SUMF1: variants seen among roughly 807,000 people sequenced by gnomAD.
SUMF1 encodes the protein sulfatase modifying factor 1.
A neutral mutation model predicts 47.6 loss-of-function variants in SUMF1; 48 were observed. The ratio of observed to expected loss-of-function variants is 1.01; its 90% CI spans 0.80 to 1.28. The LOEUF (loss-of-function observed/expected upper bound fraction) is 1.28. SUMF1 is among the 50% of genes most tolerant of loss of function. The probability of loss-of-function intolerance (pLI) is 0.00; values close to 1 mark genes in which losing one functional copy is unlikely to be tolerated. For synonymous variants in SUMF1, 230 were observed against 192.1 expected (o/e 1.20, Z -1.63); for missense variants, 571 against 485.4 (o/e 1.18, Z -1.66).
chr3:4,103,305 G>T (rs537866509), intron 8 of SUMF1, among the ~76,000 whole-genome samples: 1 of 152,092 alleles, frequency 6.6e-6, no homozygotes, highest in East Asian at 1.9e-4. Context: ...TGGGTAGATA[G>T]AAATATATTT....
intron 9 of SUMF1, among the ~76,000 whole-genome samples, chr3:4,062,274 G>T (rs531480590): frequency 6.6e-6 from 1 of 152,270 alleles, no homozygotes; most frequent in African/African-American, 2.4e-5. Context: ...CTAGCCATAT[G>T]ACTTTGGGAG....
intron 8 of SUMF1, among the ~76,000 whole-genome samples, chr3:4,093,812 T>A (rs1419361777): frequency 6.6e-6 from 1 of 152,136 alleles, no homozygotes; most frequent in East Asian, 1.9e-4. Context: ...TGTAAATTAT[T>A]CTCAGTTAAT....
chr3:4,077,231 T>C (rs994846169), intron 8 of SUMF1, among the ~76,000 whole-genome samples: 1 of 152,100 alleles, frequency 6.6e-6, no homozygotes, highest in Non-Finnish European at 1.5e-5. Context: ...GTTTAACCAT[T>C]GTGCAAGACA....
intron 9 of SUMF1, among the ~76,000 whole-genome samples, chr3:4,049,956 A>G (rs1389583887): frequency 6.6e-6 from 1 of 152,032 alleles, no homozygotes; most frequent in Non-Finnish European, 1.5e-5. Context: ...TTGGCCATCC[A>G]GTAGCCAATC....
intron 3 of SUMF1, among the ~76,000 whole-genome samples, chr3:4,435,224 G>C (rs1286082152): frequency 1.3e-5 from 2 of 152,156 alleles, no homozygotes; most frequent in Non-Finnish European, 2.9e-5. Context: ...ACCGGGCCCA[G>C]ACAAAGACTT....
intron 8 of SUMF1, among the ~76,000 whole-genome samples, chr3:4,203,543 C>T (rs117948033): frequency 4.1e-4 from 63 of 151,902 alleles, no homozygotes; most frequent in African/African-American, 1.3e-3. Context: ...TCCATTCAGC[C>T]CTGCAATGTC....
intron 8 of SUMF1, among the ~76,000 whole-genome samples, chr3:4,287,061 G>A (rs780469620): frequency 2.6e-5 from 4 of 152,168 alleles, no homozygotes; most frequent in Non-Finnish European, 4.4e-5. Context: ...TCTCACAAGT[G>A]TATGTGTTTT....
intron 8 of SUMF1, among the ~76,000 whole-genome samples, chr3:4,146,852 A>C (rs542864614): frequency 6.6e-6 from 1 of 151,988 alleles, no homozygotes; most frequent in South Asian, 2.1e-4. Flanking sequence ...CATGTCCCTA[A>C]AAAGGACATG....
chr3:4,083,317 C>G (rs1040177201), intron 8 of SUMF1, among the ~76,000 whole-genome samples: 5 of 152,088 alleles, frequency 3.3e-5, no homozygotes, highest in African/African-American at 1.2e-4. Context: ...TTCCAAGACA[C>G]ACGTTACTAA....
chr3:4,336,920 T>C (rs1038936857), intron 8 of SUMF1, among the ~76,000 whole-genome samples: 1 of 152,196 alleles, frequency 6.6e-6, no homozygotes, highest in Admixed American at 6.5e-5. Flanking sequence ...CTTTTCTTAG[T>C]CCTCTGGTCC....
intron 8 of SUMF1, among the ~76,000 whole-genome samples, chr3:4,263,791 CTTAAA>C (rs1396982432): frequency 1.3e-5 from 2 of 152,136 alleles, no homozygotes; most frequent in South Asian, 2.1e-4. Context: ...TCCATTCTGC[CTTAAA>C]TTATAGTAGT....
chr3:4,409,891 C>T (rs1261684055), intron 7 of SUMF1, among the ~76,000 whole-genome samples: 2 of 152,142 alleles, frequency 1.3e-5, no homozygotes, highest in South Asian at 2.1e-4. Flanking sequence ...GAAAAATGAG[C>T]CTCAGGCAGA....
chr3:4,219,396 A>T lies in SUMF1; in HGVS notation c.1015-150651T>A, dbSNP rs1485258. On this transcript the variant is annotated intron_variant and NMD_transcript_variant, in intron 8 of 12. Coordinates refer to the SUMF1 transcript ENST00000448413. ...AAAAAGTTATATAGCTCATAAGTGG[A>T]TGGAACCCACACTCATATCTTCTGA... is the stretch of plus-strand genomic sequence containing the variant. 6.0e-3 allele frequency among the ~76,000 whole-genome samples: 913 copies of T among 152,264 alleles called. 32 individuals are homozygous for T. Among genetic ancestry groups the T allele is most frequent in the Admixed American group, 0.048 (739 of 15,282 alleles).
intron 8 of SUMF1, among the ~76,000 whole-genome samples, chr3:4,279,476 G>A (rs1424193049): frequency 6.6e-6 from 1 of 152,104 alleles, no homozygotes; most frequent in Admixed American, 6.6e-5. Context: ...AGGTAGCTTA[G>A]TGTGTGCTGA....
chr3:4,312,527 A>C (rs927435867), intron 8 of SUMF1, among the ~76,000 whole-genome samples: 3 of 152,046 alleles, frequency 2.0e-5, no homozygotes, highest in Non-Finnish European at 4.4e-5. Flanking sequence ...CCTTATACAT[A>C]CCTAAAATAA....
intron 8 of SUMF1, among the ~76,000 whole-genome samples, chr3:4,170,375 G>C (rs1694805132): frequency 6.6e-6 from 1 of 152,118 alleles, no homozygotes; most frequent in Admixed American, 6.6e-5. Flanking sequence ...AAAATATCTG[G>C]GGGTAGGGCC....
intron 8 of SUMF1, among the ~76,000 whole-genome samples, chr3:4,369,523 C>G (rs1035197445): frequency 4.6e-5 from 7 of 152,284 alleles, no homozygotes; most frequent in South Asian, 2.1e-4. Context: ...GTAGCAAACT[C>G]CACACTGCAA....
At chr3:4,285,482 G>GA (rs1451571788) in intron 8 of SUMF1, among the ~76,000 whole-genome samples, 1 of 151,998 alleles carries the variant, frequency 6.6e-6, no homozygotes, top group Admixed American at 6.6e-5. Context: ...TTCTTATAAG[G>GA]AAAAAATGTA....
chr3:4,365,774 G>T (rs374619736), intron 8 of SUMF1, among the ~76,000 whole-genome samples: 1 of 150,184 alleles, frequency 6.7e-6, no homozygotes, highest in East Asian at 2.0e-4. Context: ...GTTAGCTGGT[G>T]ATTTTGCTCG....
Sources: allele counts gnomAD v4.1 joint callset (sites outside exome capture counted in the v4.1 genomes callset), GRCh38; gene constraint gnomAD v4.1.1; transcripts MANE v1.5; gene names NCBI Gene and HGNC (gene_info 2026-07-23, HGNC 2026-07-21).